Variants in CCNB3 observed in about 807,000 individuals in gnomAD.
CCNB3 encodes the protein cyclin B3, also known as G2/mitotic-specific cyclin-B3.
In CCNB3, 12 loss-of-function variants were observed where a neutral mutation model predicts 68.0. The ratio of observed to expected loss-of-function variants is 0.18; its 90% CI spans 0.11 to 0.29. The LOEUF is 0.29. Ranked by LOEUF, CCNB3 falls within the 10% of genes least tolerant of loss-of-function variation. The pLI, the probability that CCNB3 is intolerant of heterozygous loss-of-function variation, is 1.00. For synonymous variants in CCNB3, 354 were observed against 388.9 expected, an observed-to-expected ratio of 0.91 and a Z score of 1.06; for missense variants, 904 against 993.1, an observed-to-expected ratio of 0.91 and a Z score of 1.21.
chrX:50,309,427 A>G lies in CCNB3; in HGVS notation c.1258A>G (p.Ile420Val), dbSNP rs1569542868. The G allele has an allele frequency of 4.1e-6, 5 of 1,211,273 alleles. No homozygotes were observed. The highest frequency in any genetic ancestry group is 1.7e-5 in the African/African-American group (1 of 57,696). The part of the protein sequence containing the change: ...EKSLIMKPLS[I>V]KEKPSTEKES... ...GTCGCTCATTATGAAGCCATTGTCCATTAAAGAAAAGCCATCTACTGAGAA... is the reference window on the plus strand; with the variant it reads ...GTCGCTCATTATGAAGCCATTGTCCGTTAAAGAAAAGCCATCTACTGAGAA... The change falls in exon 6 of 13, where the codon ATT becomes GTT. Residue 420 changes from isoleucine to valine, a missense_variant. By Grantham distance (29) the Ile-to-Val change is conservative. Transcript: ENST00000376042.
chrX:50,320,354 T>C (rs927224285), intron 8 of CCNB3, among the ~76,000 whole-genome samples: 1 of 110,692 alleles, frequency 9.0e-6, no homozygotes, highest in Non-Finnish European at 1.9e-5. Flanking sequence ...TTTTGGTAGT[T>C]TGTGGTTTTC....
At chrX:50,288,653 G>A (rs1936287005) in intron 3 of CCNB3, 127 bp from the exon 4 acceptor site, 1 of 445,018 alleles carries the variant, frequency 2.2e-6, no homozygotes, top group African/African-American at 2.4e-5. Flanking sequence ...AGTTTATTGG[G>A]GTTTATTATA....
chrX:50,346,816 G>C lies in CCNB3; in HGVS notation c.3810+9G>C, dbSNP rs782048160. The C allele has an allele frequency of 1.7e-6, 2 of 1,205,051 alleles. No homozygotes were observed. The highest frequency in any genetic ancestry group is 2.2e-6 in the Non-Finnish European group (2 of 891,719). ...TGCGCAGATATGCTAGGGTAAGAGA[G>C]AAGAGACACATCTTCATTCTCCCAC... is the stretch of plus-strand genomic sequence containing the variant. On this transcript the variant is annotated intron_variant, in intron 10 of 12. Coordinates refer to ENST00000376042, the MANE Select transcript of CCNB3 (RefSeq NM_033031.3).
rs781821932 is a variant in CCNB3, at chrX:50,308,832, G to A, written c.663G>A (p.Glu221=). ...TTAAGAAGACACATAAAACTGAGGAGGCAGCCATCACCAAGAAGACATTAT... is the reference window on the plus strand; with the variant it reads ...TTAAGAAGACACATAAAACTGAGGAAGCAGCCATCACCAAGAAGACATTAT... ...MTFKKTHKTE[E]AAITKKTLSL... Residue 221 remains glutamate (E), a synonymous_variant, in exon 6 of 13, where the codon GAG becomes GAA. Transcript: ENST00000376042. 8.3e-6 allele frequency: 10 copies of A among 1,211,512 alleles called. No individual in the cohort carries two copies. The highest frequency in any genetic ancestry group is 4.5e-6 in the Non-Finnish European group (4 of 895,422).
At chrX:50,291,488 T>G (rs1384316616) in intron 4 of CCNB3, among the ~76,000 whole-genome samples, 3 of 110,577 alleles carry the variant, frequency 2.7e-5, no homozygotes, top group Non-Finnish European at 5.7e-5. Context: ...GGTCTTGAAC[T>G]CCTAGGCTCA....
chrX:50,345,416 C>T (rs1466207570), intron 9 of CCNB3, among the ~76,000 whole-genome samples: 2 of 106,955 alleles, frequency 1.9e-5, no homozygotes, highest in Non-Finnish European at 3.9e-5. Context: ...TACACCCTCC[C>T]TCCCTCGGTG....
chrX:50,318,136 A>G (rs1170927877), intron 8 of CCNB3, among the ~76,000 whole-genome samples: 1 of 109,449 alleles, frequency 9.1e-6, no homozygotes, highest in Admixed American at 9.9e-5. Flanking sequence ...TCCTTCACCA[A>G]TATCACACTG....
At chrX:50,315,479 G>A (rs1379639804) in intron 8 of CCNB3, among the ~76,000 whole-genome samples, 1 of 111,051 alleles carries the variant, frequency 9.0e-6, no homozygotes, top group East Asian at 2.8e-4. Context: ...AAGAGAGCCT[G>A]TATACCCTTC....
At chrX:50,335,764 A>G (rs782272244) in intron 8 of CCNB3, among the ~76,000 whole-genome samples, 99 of 111,769 alleles carry the variant, frequency 8.9e-4, no homozygotes, top group African/African-American at 3.1e-3. Context: ...CATAAGAGCC[A>G]TGATAACTCC....
intron 7 of CCNB3, among the ~76,000 whole-genome samples, chrX:50,313,185 C>G (rs1921557895): frequency 9.0e-6 from 1 of 111,035 alleles, no homozygotes; most frequent in Non-Finnish European, 1.9e-5. Flanking sequence ...TTCTAACTCT[C>G]TCAACAGAAC....
At chrX:50,300,555 C>G (rs1348197148) in intron 5 of CCNB3, among the ~76,000 whole-genome samples, 1 of 111,665 alleles carries the variant, frequency 9.0e-6, no homozygotes, top group Non-Finnish European at 1.9e-5. Context: ...TTCTCTCTGG[C>G]TGCCCTTAAC....
intron 8 of CCNB3, among the ~76,000 whole-genome samples, chrX:50,323,576 T>G (rs1007404268): frequency 8.9e-6 from 1 of 112,348 alleles, no homozygotes; most frequent in African/African-American, 3.2e-5. Flanking sequence ...TAAAAAAAAT[T>G]TATTACTAGT....
chrX:50,335,345 G>A (rs1922796231), intron 8 of CCNB3, among the ~76,000 whole-genome samples: 1 of 111,933 alleles, frequency 8.9e-6, no homozygotes. Flanking sequence ...TCCTCAGCCT[G>A]CAGCAGCCCT....
At chrX:50,279,092 TAATA>T (rs1216594393) in intron 1 of CCNB3, among the ~76,000 whole-genome samples, 1 of 59,244 alleles carries the variant, frequency 1.7e-5, no homozygotes, top group African/African-American at 7.2e-5. Flanking sequence ...AAATATATAT[TAATA>T]TATATTCCAT....
chrX:50,321,052 T>G (rs1323880612), intron 8 of CCNB3, among the ~76,000 whole-genome samples: 1 of 111,510 alleles, frequency 9.0e-6, no homozygotes, highest in East Asian at 2.8e-4. Context: ...AAATGTGCAT[T>G]TTTTAACAAT....
chrX:50,337,790 CTT>C (rs782309854), intron 8 of CCNB3, among the ~76,000 whole-genome samples: 36 of 111,893 alleles, frequency 3.2e-4, no homozygotes, highest in African/African-American at 1.1e-3. Flanking sequence ...CACACACACA[CTT>C]TTACAGTTTA....
rs1557220392 is a variant in CCNB3 at position 50,346,821 on chromosome X, G to C, written c.3810+14G>C. ...AGATATGCTAGGGTAAGAGAGAAGA[G>C]ACACATCTTCATTCTCCCACTGCTG... On this transcript the variant is annotated intron_variant, in intron 10 of 12. Coordinates refer to ENST00000376042, the MANE Select transcript of CCNB3 (RefSeq NM_033031.3). The C allele has an allele frequency of 8.3e-7, 1 of 1,202,558 alleles. No individual in the cohort carries two copies. Among genetic ancestry groups the C allele is most frequent in the Admixed American group, 2.2e-5 (1 of 45,467 alleles).
At chrX:50,280,556 C>T (rs1470234655) in intron 1 of CCNB3, among the ~76,000 whole-genome samples, 1 of 109,335 alleles carries the variant, frequency 9.1e-6, no homozygotes, top group Non-Finnish European at 1.9e-5. Context: ...TATTAGCTCT[C>T]TGCACTTTGG....
intron 1 of CCNB3, among the ~76,000 whole-genome samples, chrX:50,227,492 A>T (rs1346105999): frequency 1.3e-5 from 1 of 75,636 alleles, no homozygotes; most frequent in Non-Finnish European, 2.4e-5. Flanking sequence ...GACAGAATAT[A>T]TATATATAGA....
Sources: allele counts gnomAD v4.1 joint callset (sites outside exome capture counted in the v4.1 genomes callset), GRCh38; gene constraint gnomAD v4.1.1; transcripts MANE v1.5; gene names NCBI Gene and HGNC (gene_info 2026-07-23, HGNC 2026-07-21).